The following CDKN2B-AS1 variants were observed in gnomAD, a reference collection of about 807,000 sequenced individuals.
CDKN2B-AS1 encodes CDKN2B and CDKN2A antisense cis and trans regulatory RNA 1.
chr9:22,063,398 T>C (rs930687586), intron 4 of CDKN2B-AS1, among the ~76,000 whole-genome samples: 2 of 152,118 alleles, frequency 1.3e-5, no homozygotes, highest in Non-Finnish European at 2.9e-5. Flanking sequence ...AAAGCAGGTG[T>C]TGGTGGGATT....
rs1825458829 is a variant in CDKN2B-AS1 at position 22,100,878 on chromosome 9, G to A, written n.439-26225G>A. On this transcript the variant is annotated intron_variant and non_coding_transcript_variant, in intron 4 of 4. Coordinates refer to ENST00000650946, the Ensembl canonical transcript of CDKN2B-AS1. The stretch of plus-strand genomic sequence containing the variant: ...TGAAGTGGTACTTCATTGTGGGTTT[G>A]ACTTCCATTCCCCTAATGACCAATG... Among the ~76,000 whole-genome samples the A allele has an allele frequency of 2.0e-5, 3 of 152,112 alleles. 1 individual carries two copies. In the South Asian group the frequency reaches 6.2e-4, roughly 31 times the overall value.
At chr9:22,122,319 T>G (rs1405978207) in intron 4 of CDKN2B-AS1, among the ~76,000 whole-genome samples, 1 of 152,206 alleles carries the variant, frequency 6.6e-6, no homozygotes, top group Non-Finnish European at 1.5e-5. Context: ...ATGAGTAGTT[T>G]GCAAATATTT....
chr9:22,036,405 A>G (rs1001669815), intron 1 of CDKN2B-AS1, among the ~76,000 whole-genome samples: 8 of 152,096 alleles, frequency 5.3e-5, no homozygotes, highest in African/African-American at 1.7e-4. Context: ...GCCCCCCAAA[A>G]TTATTTAAAA....
intron 4 of CDKN2B-AS1, chr9:22,119,888 C>G (rs905143200): frequency 1.3e-5 from 2 of 152,140 alleles, no homozygotes; most frequent in African/African-American, 4.8e-5. Context: ...AAACAATAAC[C>G]AACATCCCAA....
chr9:22,057,097 T>C (rs1563951995), intron 4 of CDKN2B-AS1, among the ~76,000 whole-genome samples: 1 of 152,214 alleles, frequency 6.6e-6, no homozygotes, highest in African/African-American at 2.4e-5. Flanking sequence ...TGTTATAAGA[T>C]AGTAATATTT....
chr9:22,051,782 A>G (rs992334750), intron 3 of CDKN2B-AS1, among the ~76,000 whole-genome samples: 8 of 152,138 alleles, frequency 5.3e-5, no homozygotes, highest in Non-Finnish European at 7.4e-5. Context: ...GCTTCTAGGT[A>G]TATTATACTC....
intron 1 of CDKN2B-AS1, among the ~76,000 whole-genome samples, chr9:22,022,249 C>G (rs200201283): frequency 6.6e-6 from 1 of 151,638 alleles, no homozygotes; most frequent in Non-Finnish European, 1.5e-5. Flanking sequence ...AATATTCTCA[C>G]TGGGGTGTTA....
chr9:22,000,018 G>C lies in CDKN2B-AS1; in HGVS notation n.29+4857G>C, dbSNP rs1820855746. On this transcript the variant is annotated intron_variant and non_coding_transcript_variant, in intron 1 of 4. Transcript: ENST00000650946. This position sits in a 1 kb window ranked among gnomAD's most constrained non-coding sequence, Gnocchi z 4.1. Reference sequence around the variant, plus strand: ...AAGAATGAGGGTGGGAAAAATTTCAGATTTTTGCTTACTACTTTTTGCTTT... The same window carrying C: ...AAGAATGAGGGTGGGAAAAATTTCACATTTTTGCTTACTACTTTTTGCTTT... Among the ~76,000 whole-genome samples, 1 of 152,102 alleles carries C rather than the reference G, an allele frequency of 6.6e-6. No homozygotes were observed. The highest frequency in any genetic ancestry group is 2.4e-5 in the African/African-American group (1 of 41,416).
intron 4 of CDKN2B-AS1, among the ~76,000 whole-genome samples, chr9:22,107,909 T>G (rs1469518569): frequency 2.6e-5 from 4 of 152,156 alleles, no homozygotes; most frequent in Non-Finnish European, 5.9e-5. Context: ...ACATCTCAGA[T>G]AAAGAACTTC....
chr9:22,081,253 TA>T (rs1824683019), intron 4 of CDKN2B-AS1, among the ~76,000 whole-genome samples: 2 of 151,296 alleles, frequency 1.3e-5, no homozygotes, highest in African/African-American at 4.9e-5. Context: ...ATTCCCATGT[TA>T]TCAGATATTT....
rs138681154 is a variant in CDKN2B-AS1 at position 22,074,066 on chromosome 9, T to A, written n.438+17679T>A. ...TTTGTAGAGATGGGGTTTTGCCATGTTGCCCAGGCTGGTCTCGAACTCCTA... is the reference window on the plus strand; with the variant it reads ...TTTGTAGAGATGGGGTTTTGCCATGATGCCCAGGCTGGTCTCGAACTCCTA... On this transcript the variant is annotated intron_variant and non_coding_transcript_variant, in intron 4 of 4. Transcript: ENST00000650946. Among the ~76,000 whole-genome samples the A allele has an allele frequency of 8.2e-3, 1,250 of 152,196 alleles. 88 individuals carry two copies. The East Asian group carries it at 0.17, about 21-fold the overall frequency.
At chr9:22,055,443 G>T (rs1453979945) in intron 3 of CDKN2B-AS1, among the ~76,000 whole-genome samples, 1 of 152,130 alleles carries the variant, frequency 6.6e-6, no homozygotes, top group African/African-American at 2.4e-5. Context: ...ATGAAGATCT[G>T]GGAGAAAAAT....
At chr9:22,089,089 C>T (rs981145244) in intron 4 of CDKN2B-AS1, among the ~76,000 whole-genome samples, 2 of 152,122 alleles carry the variant, frequency 1.3e-5, no homozygotes, top group Admixed American at 6.5e-5. Context: ...TAAAAACACC[C>T]CCTGACATTT....
chr9:22,119,856 T>C (rs1225398300), intron 4 of CDKN2B-AS1: 1 of 152,238 alleles, frequency 6.6e-6, no homozygotes, highest in African/African-American at 2.4e-5. Context: ...TTCAGTGGGC[T>C]TGAGGCTTAG....
chr9:22,035,053 T>C (rs1278040797), intron 1 of CDKN2B-AS1, among the ~76,000 whole-genome samples: 2 of 152,200 alleles, frequency 1.3e-5, no homozygotes, highest in Non-Finnish European at 2.9e-5. Context: ...GAGTAAGCTA[T>C]GTAGCTAAAT....
intron 3 of CDKN2B-AS1, among the ~76,000 whole-genome samples, chr9:22,050,797 G>C (rs144304914): frequency 6.6e-6 from 1 of 152,130 alleles, no homozygotes; most frequent in South Asian, 2.1e-4. Context: ...ATGTCAATCT[G>C]CTTATCTAAT....
chr9:22,098,803 C>G (rs1190415316), intron 4 of CDKN2B-AS1, among the ~76,000 whole-genome samples: 1 of 152,166 alleles, frequency 6.6e-6, no homozygotes, highest in Non-Finnish European at 1.5e-5. Flanking sequence ...ATCCCATGTA[C>G]TTTCCCCTAC....
chr9:22,049,986 A>G (rs1269759494), intron 3 of CDKN2B-AS1, among the ~76,000 whole-genome samples: 1 of 152,190 alleles, frequency 6.6e-6, no homozygotes, highest in Non-Finnish European at 1.5e-5. Flanking sequence ...TGAACAATTT[A>G]GACATTGCCT....
rs148786939 is a variant in CDKN2B-AS1 at position 22,004,285 on chromosome 9, T to C, written n.29+9124T>C. 2.0e-4 allele frequency: 47 copies of C among 232,536 alleles called. 1 individual carries two copies. The East Asian group carries it at 2.9e-3, about 14-fold the overall frequency. 14.4% of individuals were successfully genotyped at this position (232,536 alleles called of 1,614,324 possible). ...GTATTCAACTCAAATGTACTCCTTCTTATAAGTCTCCACTCTCAAATGACT... is the reference window on the plus strand; with the variant it reads ...GTATTCAACTCAAATGTACTCCTTCCTATAAGTCTCCACTCTCAAATGACT... On this transcript the variant is annotated intron_variant and non_coding_transcript_variant, in intron 1 of 4. Coordinates refer to ENST00000650946, the Ensembl canonical transcript of CDKN2B-AS1.
Sources: allele counts gnomAD v4.1 joint callset (sites outside exome capture counted in the v4.1 genomes callset), GRCh38; gene constraint gnomAD v4.1.1; non-coding constraint Gnocchi (gnomAD v3.1); transcripts MANE v1.5; gene names NCBI Gene and HGNC (gene_info 2026-07-23, HGNC 2026-07-21).